Variants in SLC6A5 observed in about 807,000 individuals in gnomAD.
SLC6A5 encodes the protein sodium- and chloride-dependent glycine transporter 2.
Under a neutral mutation model 90.5 loss-of-function variants are expected in SLC6A5, and 58 were observed. The ratio of observed to expected loss-of-function variants is 0.64; its 90% confidence interval spans 0.52 to 0.80. SLC6A5 has a LOEUF of 0.80. Among genes scored for constraint, SLC6A5 ranks in the 30% least tolerant of loss-of-function variants. The pLI, the probability that SLC6A5 is intolerant of heterozygous loss-of-function variation, is 0.00. For synonymous variants in SLC6A5, 427 were observed against 401.4 expected, an observed-to-expected ratio of 1.06 and a Z score of -0.76; for missense variants, 1,015 against 1,017.6, an observed-to-expected ratio of 1.00 and a Z score of 0.03.
rs1474968844 is a variant in SLC6A5, at chr11:20,601,312, C to T, written c.187C>T (p.Gln63Ter). 4 of 1,592,540 alleles carry T rather than the reference C, an allele frequency of 2.5e-6. No homozygotes were observed. In the Admixed American group the frequency reaches 5.1e-5, roughly 20 times the overall value. ...CGCTTCCACCGGCGCCCAAACTTTC[C>T]AGTCAGCGGACGCGCGAGCCTGCGA... is the stretch of plus-strand genomic sequence containing the variant. ...RSASTGAQTFQSADARACEAE... is the reference protein window; with the variant it reads ...RSASTGAQTF The change falls in exon 2 of 16, where the codon CAG becomes TAG. Residue 63 changes from glutamine (Q) to a stop codon, truncating the protein, a stop_gained. Transcript: ENST00000525748. LOFTEE classifies it high-confidence loss of function.
At chr11:20,640,687 CTGTT>C (rs933849476) in intron 13 of SLC6A5, among the ~76,000 whole-genome samples, 1 of 84,566 alleles carries the variant, frequency 1.2e-5, no homozygotes, top group African/African-American at 4.0e-5. Context: ...GCTAACATGA[CTGTT>C]TGAGGTAAAA....
At position 20,654,971 on chromosome 11, in the gene SLC6A5, A is replaced by G. The variant is rs976934226; in HGVS notation, c.*103A>G. On this transcript the variant is annotated 3_prime_UTR_variant, in exon 16 of 16. Coordinates refer to ENST00000525748, the MANE Select transcript of SLC6A5 (RefSeq NM_004211.5). ...CCCATTTTTCTTCATCTTTCTTCCT[A>G]CATCTTGGTTCACATCCACGCATGA... 1 of 1,233,310 alleles carries G rather than the reference A, an allele frequency of 8.1e-7. No individual in the cohort carries two copies. Among genetic ancestry groups the G allele is most frequent in the Non-Finnish European group, 1.2e-6 (1 of 833,398 alleles). The allele number at this position is 1,233,310 out of a possible 1,614,324, so 76.4% of individuals were successfully genotyped here.
intron 5 of SLC6A5, among the ~76,000 whole-genome samples, chr11:20,611,063 TAGA>T: frequency 6.6e-6 from 1 of 152,334 alleles, no homozygotes; most frequent in Middle Eastern, 3.4e-3. Context: ...ATTGTTCCTA[TAGA>T]TGAGATTTCT....
intron 5 of SLC6A5, among the ~76,000 whole-genome samples, chr11:20,611,777 A>G (rs556298931): frequency 3.3e-5 from 5 of 151,368 alleles, no homozygotes; most frequent in Non-Finnish European, 5.9e-5. Context: ...GAAAAAAAAA[A>G]AAAAACAAGG....
chr11:20,606,520 C>A (rs572745977), intron 3 of SLC6A5, among the ~76,000 whole-genome samples: 1 of 152,208 alleles, frequency 6.6e-6, no homozygotes, highest in African/African-American at 2.4e-5. Flanking sequence ...AGAGCCTGCC[C>A]AACCCTGGTT....
At chr11:20,646,780 C>T (rs1853422987) in intron 13 of SLC6A5, 54 bp from the exon 14 acceptor site, 1 of 1,284,176 alleles carries the variant, frequency 7.8e-7, no homozygotes, top group East Asian at 2.3e-5. Context: ...CCTGCCACCA[C>T]CTCACCTTCC....
intron 10 of SLC6A5, among the ~76,000 whole-genome samples, chr11:20,634,815 T>G (rs1853173260): frequency 1.3e-5 from 2 of 152,194 alleles, no homozygotes; most frequent in African/African-American, 4.8e-5. Flanking sequence ...CTGTTATGCT[T>G]GAGTTATAAA....
At chr11:20,653,348 TG>T (rs957590737) in intron 15 of SLC6A5, among the ~76,000 whole-genome samples, 2 of 152,124 alleles carry the variant, frequency 1.3e-5, no homozygotes, top group East Asian at 3.9e-4. Flanking sequence ...CTTGGGGAAA[TG>T]GGACCCTGGC....
At chr11:20,599,900 C>T (rs901500412) in intron 1 of SLC6A5, among the ~76,000 whole-genome samples, 1 of 152,096 alleles carries the variant, frequency 6.6e-6, no homozygotes, top group Non-Finnish European at 1.5e-5. Flanking sequence ...GCTGTGGCTC[C>T]TAAAGACCCG....
Position 20,636,347 on chromosome 11 carries a change from C to T in SLC6A5, c.1665C>T (p.Thr555=). The T allele has an allele frequency of 6.2e-7, 1 of 1,613,888 alleles. No individual in the cohort carries two copies. Among genetic ancestry groups the T allele is most frequent in the Non-Finnish European group, 8.5e-7 (1 of 1,179,768 alleles). Residue 555 remains threonine (T), a synonymous_variant, in exon 11 of 16, where the codon ACC becomes ACT. Coordinates refer to ENST00000525748, the MANE Select transcript of SLC6A5 (RefSeq NM_004211.5). ...IAFVVYPEAL[T]RLPLSPFWAI... ...TTGTGGTTTACCCGGAAGCCTTAACCAGGCTGCCTCTCTCTCCGTTCTGGG... is the reference window on the plus strand; with the variant it reads ...TTGTGGTTTACCCGGAAGCCTTAACTAGGCTGCCTCTCTCTCCGTTCTGGG...
At chr11:20,615,568 C>T (rs1029617647) in intron 6 of SLC6A5, among the ~76,000 whole-genome samples, 3 of 152,100 alleles carry the variant, frequency 2.0e-5, no homozygotes, top group Non-Finnish European at 4.4e-5. Context: ...GGGGTTTCAC[C>T]GTGTTAGCCA....
Position 20,601,743 on chromosome 11 carries a change from T to C in SLC6A5, c.540+78T>C, listed in dbSNP as rs918898234. On this transcript the variant is annotated intron_variant, in intron 2 of 15. Transcript: ENST00000525748. ...GAGAGGCCAGCCGGGCCGTGGCGGG[T>C]GCACGTATGCTGATGGGGAAACCGG... 2.2e-4 allele frequency: 324 copies of C among 1,468,728 alleles called. 4 individuals are homozygous for C. In the South Asian group the frequency reaches 3.7e-3, roughly 17 times the overall value. 91.0% of individuals were successfully genotyped at this position (1,468,728 alleles called of 1,614,324 possible). A position where few individuals can be genotyped will look rare whatever the true frequency, so the allele number is the denominator to read the frequency against.
chr11:20,631,183 T>C (rs1853103119), intron 10 of SLC6A5, among the ~76,000 whole-genome samples: 1 of 152,224 alleles, frequency 6.6e-6, no homozygotes, highest in Non-Finnish European at 1.5e-5. Context: ...GGGCACAGGC[T>C]GCTGTAGGAT....
In SLC6A5 at chr11:20,601,395, C is replaced by T. The variant is rs771850978; in HGVS notation, c.270C>T (p.Ala90=). ...CKLSSPRAQA[A]SAALRDLREA... The stretch of plus-strand genomic sequence containing the variant: ...TCAGTAGCCCGCGGGCGCAGGCGGC[C>T]TCTGCAGCTCTGCGGGACTTGAGAG... Residue 90 remains alanine (A), a synonymous_variant, in exon 2 of 16, where the codon GCC becomes GCT. Transcript: ENST00000525748. The T allele has an allele frequency of 1.2e-6, 2 of 1,604,142 alleles. No individual in the cohort carries two copies. The highest frequency in any genetic ancestry group is 1.7e-6 in the Non-Finnish European group (2 of 1,176,162).
Position 20,658,084 on chromosome 11 carries a change from G to A in SLC6A5, c.*3216G>A, listed in dbSNP as rs1277160310. ...CACTTTAAAAAGAGTTTAACATGAT[G>A]ACCTTTAAATGGATAGGACTTGGGT... On this transcript the variant is annotated 3_prime_UTR_variant, in exon 16 of 16. Coordinates refer to ENST00000525748, the MANE Select transcript of SLC6A5 (RefSeq NM_004211.5). The A allele has an allele frequency of 1.3e-5, 2 of 152,164 alleles. No homozygotes were observed. The highest frequency in any genetic ancestry group is 4.8e-5 in the African/African-American group (2 of 41,440). The allele number at this position is 152,164 out of a possible 1,614,324, so 9.4% of individuals were successfully genotyped here. A position where few individuals can be genotyped will look rare whatever the true frequency, so the allele number is the denominator to read the frequency against.
intron 14 of SLC6A5, among the ~76,000 whole-genome samples, chr11:20,650,466 G>A (rs552834585): frequency 2.0e-5 from 3 of 152,106 alleles, no homozygotes; most frequent in South Asian, 2.1e-4. Flanking sequence ...AATCAAGGGG[G>A]GACTCATGAG....
At position 20,646,779 on chromosome 11, in the gene SLC6A5, A is replaced by G. The variant is rs549947720; in HGVS notation, c.1970-55A>G. On this transcript the variant is annotated intron_variant, in intron 13 of 15. Transcript: ENST00000525748. ...GGGCTCTAGTGCCTGCCCTGCCACCACCTCACCTTCCTGCTACTGTGCCTT... is the reference window on the plus strand; with the variant it reads ...GGGCTCTAGTGCCTGCCCTGCCACCGCCTCACCTTCCTGCTACTGTGCCTT... 1.4e-4 allele frequency: 177 copies of G among 1,258,662 alleles called. 1 individual carries two copies. The South Asian group carries it at 2.1e-3, about 15-fold the overall frequency. The allele number at this position is 1,258,662 out of a possible 1,614,324, so 78.0% of individuals were successfully genotyped here. A position where few individuals can be genotyped will look rare whatever the true frequency, so the allele number is the denominator to read the frequency against.
intron 13 of SLC6A5, among the ~76,000 whole-genome samples, chr11:20,646,535 A>C (rs1243592541): frequency 6.6e-6 from 1 of 152,204 alleles, no homozygotes; most frequent in Non-Finnish European, 1.5e-5. Flanking sequence ...AGGTTGTAGC[A>C]ATGCTGAGAG....
chr11:20,646,727 A>G (rs1853421945), intron 13 of SLC6A5, 107 bp from the exon 14 acceptor site: 3 of 776,442 alleles, frequency 3.9e-6, no homozygotes, highest in Non-Finnish European at 7.0e-6. Context: ...GGCTGGGGCC[A>G]GCCCTAGCCA....
Sources: allele counts gnomAD v4.1 joint callset (sites outside exome capture counted in the v4.1 genomes callset), GRCh38; gene constraint gnomAD v4.1.1; transcripts MANE v1.5; gene names NCBI Gene and HGNC (gene_info 2026-07-23, HGNC 2026-07-21).